The following DLGAP1 variants were observed in gnomAD, a reference collection of about 807,000 sequenced individuals.
DLGAP1 encodes DLG associated protein 1.
Under a neutral mutation model 90.8 loss-of-function variants are expected in DLGAP1, and 11 were observed. The observed-to-expected ratio is 0.12, with a 90% confidence interval of 0.08 to 0.20. The LOEUF (loss-of-function observed/expected upper bound fraction) is 0.20, where lower values mean the gene tolerates loss of function less well. DLGAP1 is among the 10% of genes least tolerant of loss of function. DLGAP1 has a pLI of 1.00. For missense variants in DLGAP1, 1,050 were observed against 1,333.8 expected, an observed-to-expected ratio of 0.79 and a Z score of 3.31; for synonymous variants, 558 against 540.7, an observed-to-expected ratio of 1.03 and a Z score of -0.44.
At chr18:4,221,218 C>T (rs969465362) in intron 1 of DLGAP1, among the ~76,000 whole-genome samples, 4 of 152,060 alleles carry the variant, frequency 2.6e-5, no homozygotes, top group Non-Finnish European at 5.9e-5. Context: ...GCTCTTATTC[C>T]CACATATTCA....
At chr18:3,507,366 A>AAAACAAAAC (rs1225574980) in intron 11 of DLGAP1, among the ~76,000 whole-genome samples, 18 of 104,584 alleles carry the variant, frequency 1.7e-4, no homozygotes, top group Admixed American at 6.5e-4. Flanking sequence ...CAAAACAAAA[A>AAAACAAAAC]ATTAGCTGGG....
chr18:4,164,665 G>A (rs1372538519), intron 1 of DLGAP1, among the ~76,000 whole-genome samples: 1 of 151,996 alleles, frequency 6.6e-6, no homozygotes, highest in Non-Finnish European at 1.5e-5. Context: ...GGGCAGCAGA[G>A]AAAGACTCTG....
intron 2 of DLGAP1, among the ~76,000 whole-genome samples, chr18:4,141,500 G>A (rs1434679432): frequency 6.6e-6 from 1 of 151,952 alleles, no homozygotes; most frequent in Non-Finnish European, 1.5e-5. Context: ...TGCTCATTAA[G>A]TATGAAAGTT....
At chr18:4,146,831 A>G (rs946924391) in intron 2 of DLGAP1, among the ~76,000 whole-genome samples, 14 of 152,204 alleles carry the variant, frequency 9.2e-5, no homozygotes, top group Admixed American at 9.2e-4. Context: ...TGACTGCACT[A>G]CAGAATACAT....
chr18:3,748,816 T>C (rs572611568), intron 5 of DLGAP1, among the ~76,000 whole-genome samples: 2 of 152,320 alleles, frequency 1.3e-5, no homozygotes, highest in Non-Finnish European at 2.9e-5. Context: ...GGCATTTTAG[T>C]AGTCAATCTG....
At position 3,914,037 on chromosome 18, in the gene DLGAP1, A is replaced by AATTTT. The variant is rs938723483; in HGVS notation, c.-72-33902_-72-33898dup. On this transcript the variant is annotated intron_variant, in intron 3 of 12. Transcript: ENST00000315677. Reference sequence around the variant, plus strand: ...GGCTTTCTTTTTCCCCACCATAGGTAATTTTATTTTATTTTATTTATGGGT... The same window carrying AATTTT: ...GGCTTTCTTTTTCCCCACCATAGGTAATTTTATTTTATTTTATTTTATTTATGGGT... Among the ~76,000 whole-genome samples the AATTTT allele has an allele frequency of 2.6e-5, 4 of 151,242 alleles. No individual in the cohort carries two copies. The East Asian group carries it at 7.7e-4, about 29-fold the overall frequency.
At chr18:3,535,536 T>A (rs2052312870) in intron 9 of DLGAP1, among the ~76,000 whole-genome samples, 1 of 149,560 alleles carries the variant, frequency 6.7e-6, no homozygotes, top group Admixed American at 6.7e-5. Flanking sequence ...TGAAACCCCG[T>A]ATCTACCAAA....
intron 7 of DLGAP1, among the ~76,000 whole-genome samples, chr18:3,658,443 G>C (rs536954991): frequency 7.9e-5 from 12 of 152,278 alleles, no homozygotes; most frequent in Non-Finnish European, 1.3e-4. Context: ...TTGAACTTCA[G>C]AATACTTCCT....
chr18:3,905,556 T>C (rs2148887463), intron 3 of DLGAP1, among the ~76,000 whole-genome samples: 1 of 152,160 alleles, frequency 6.6e-6, no homozygotes, highest in Admixed American at 6.6e-5. Context: ...AAGGCTATGG[T>C]AACTCTCCCT....
intron 2 of DLGAP1, among the ~76,000 whole-genome samples, chr18:4,050,097 T>G (rs562001379): frequency 6.6e-6 from 1 of 152,304 alleles, no homozygotes; most frequent in South Asian, 2.1e-4. Flanking sequence ...TAAAGAAACA[T>G]TTACAACAAA....
intron 1 of DLGAP1, among the ~76,000 whole-genome samples, chr18:4,249,392 C>A (rs960294015): frequency 2.1e-5 from 3 of 140,128 alleles, no homozygotes; most frequent in African/African-American, 8.0e-5. Flanking sequence ...CCTGGCTACA[C>A]GAGAGTACTA....
At chr18:4,419,368 CA>C (rs1383149420) in intron 1 of DLGAP1, among the ~76,000 whole-genome samples, 1 of 151,942 alleles carries the variant, frequency 6.6e-6, no homozygotes, top group Non-Finnish European at 1.5e-5. Context: ...ATCATAATAA[CA>C]AAGAAAAACT....
intron 5 of DLGAP1, among the ~76,000 whole-genome samples, chr18:3,808,685 C>T (rs111718718): frequency 3.9e-5 from 6 of 152,218 alleles, no homozygotes; most frequent in African/African-American, 1.2e-4. Context: ...ATCTTCATCC[C>T]ATCCCCCTCT....
chr18:3,761,570 C>A (rs2147913216), intron 5 of DLGAP1, among the ~76,000 whole-genome samples: 1 of 149,992 alleles, frequency 6.7e-6, no homozygotes, highest in Non-Finnish European at 1.5e-5. Context: ...TCCCTTCTTT[C>A]TTTCTTTCTT....
intron 1 of DLGAP1, among the ~76,000 whole-genome samples, chr18:4,179,654 T>C (rs1235686185): frequency 6.6e-6 from 1 of 152,154 alleles, no homozygotes; most frequent in Non-Finnish European, 1.5e-5. Context: ...TAGGCCCAAA[T>C]TGTAGCCTCT....
At chr18:3,756,840 GA>G (rs1432330999) in intron 5 of DLGAP1, among the ~76,000 whole-genome samples, 4 of 151,600 alleles carry the variant, frequency 2.6e-5, no homozygotes, top group African/African-American at 9.7e-5. Flanking sequence ...AGACAAAATA[GA>G]AAAAAATTCT....
Position 4,371,584 on chromosome 18 carries a change from A to C in DLGAP1, c.-267+83422T>G, listed in dbSNP as rs2081917874. Among the ~76,000 whole-genome samples the C allele has an allele frequency of 3.3e-5, 5 of 152,222 alleles. No individual in the cohort carries two copies. The South Asian group carries it at 1.0e-3, about 32-fold the overall frequency. ...CCTAAGCTTTTTGGTCACCCTTATA[A>C]CTTCTGTTTTTAATTATTGAGTCTT... On this transcript the variant is annotated intron_variant, in intron 1 of 12. Transcript: ENST00000315677.
At chr18:3,562,934 T>A (rs1313792225) in intron 9 of DLGAP1, among the ~76,000 whole-genome samples, 1 of 152,098 alleles carries the variant, frequency 6.6e-6, no homozygotes, top group South Asian at 2.1e-4. Flanking sequence ...GCTCAAGCAA[T>A]CTTTCCACCT....
chr18:4,349,063 A>C lies in DLGAP1; in HGVS notation c.-267+105943T>G, dbSNP rs560671950. On this transcript the variant is annotated intron_variant, in intron 1 of 12. Transcript: ENST00000315677. ...TTTCACCATAAGATCCTTATTAGCT[A>C]CAAGGGAAAAATATAAATTTATAGT... Among the ~76,000 whole-genome samples the C allele has an allele frequency of 1.9e-3, 286 of 152,266 alleles. 2 individuals carry two copies. The highest frequency in any genetic ancestry group is 6.6e-3 in the African/African-American group (273 of 41,554).
Sources: allele counts gnomAD v4.1 joint callset (sites outside exome capture counted in the v4.1 genomes callset), GRCh38; gene constraint gnomAD v4.1.1; transcripts MANE v1.5; gene names NCBI Gene and HGNC (gene_info 2026-07-23, HGNC 2026-07-21).